Variants in PKIA observed in about 807,000 individuals in gnomAD.
PKIA encodes cAMP-dependent protein kinase inhibitor alpha, also known as PKI-alpha.
Under a neutral mutation model 7.6 loss-of-function variants are expected in PKIA, and 4 were observed. The ratio of observed to expected loss-of-function variants is 0.52; its 90% CI spans 0.26 to 1.20. The LOEUF is 1.20. Among genes scored for constraint, PKIA ranks in the 50% most tolerant of loss-of-function variants. The probability of loss-of-function intolerance (pLI) is 0.13; values close to 1 mark genes in which losing one functional copy is unlikely to be tolerated. For synonymous variants in PKIA, 21 were observed against 30.7 expected, an observed-to-expected ratio of 0.68 and a Z score of 1.04; for missense variants, 73 against 86.2, an observed-to-expected ratio of 0.85 and a Z score of 0.61.
At chr8:78,594,516 G>T (rs1456147697) in intron 2 of PKIA, among the ~76,000 whole-genome samples, 1 of 152,140 alleles carries the variant, frequency 6.6e-6, no homozygotes, top group Non-Finnish European at 1.5e-5. Context: ...TTTTGGATAG[G>T]TTGGGACGTG....
chr8:78,595,546 C>T (rs1295973381), intron 2 of PKIA, among the ~76,000 whole-genome samples: 1 of 152,110 alleles, frequency 6.6e-6, no homozygotes, highest in Non-Finnish European at 1.5e-5. Context: ...AGGTAATAAG[C>T]ATAGTACCCT....
chr8:78,570,524 G>A (rs1378345720), intron 1 of PKIA, among the ~76,000 whole-genome samples: 1 of 152,124 alleles, frequency 6.6e-6, no homozygotes, highest in Non-Finnish European at 1.5e-5. Context: ...TCAAGCCCCA[G>A]TATTTCCAAA....
At chr8:78,526,112 C>A in intron 1 of PKIA, among the ~76,000 whole-genome samples, 1 of 152,034 alleles carries the variant, frequency 6.6e-6, no homozygotes, top group Non-Finnish European at 1.5e-5. Context: ...ATTACTACAT[C>A]TTTTCCCAAA....
At chr8:78,565,548 A>C (rs1203080820) in intron 1 of PKIA, among the ~76,000 whole-genome samples, 1 of 151,986 alleles carries the variant, frequency 6.6e-6, no homozygotes, top group Non-Finnish European at 1.5e-5. Context: ...CCATATGACA[A>C]ATAATTATTT....
intron 2 of PKIA, among the ~76,000 whole-genome samples, chr8:78,585,189 A>G (rs1056889641): frequency 2.0e-5 from 3 of 152,070 alleles, no homozygotes; most frequent in Non-Finnish European, 4.4e-5. Flanking sequence ...GGATAATCTC[A>G]TTTTGAAATG....
At chr8:78,532,032 C>G (rs1806398927) in intron 1 of PKIA, among the ~76,000 whole-genome samples, 1 of 151,956 alleles carries the variant, frequency 6.6e-6, no homozygotes, top group South Asian at 2.1e-4. Context: ...ATTCAAGTAA[C>G]TTTTTAACTT....
At chr8:78,544,928 G>T (rs989261246) in intron 1 of PKIA, among the ~76,000 whole-genome samples, 19 of 152,000 alleles carry the variant, frequency 1.3e-4, no homozygotes. Context: ...TAAATAGCCA[G>T]TAATAGAGGC....
At chr8:78,543,220 C>G (rs1037948835) in intron 1 of PKIA, among the ~76,000 whole-genome samples, 3 of 152,172 alleles carry the variant, frequency 2.0e-5, no homozygotes, top group South Asian at 2.1e-4. Context: ...GTGCTTGGAT[C>G]AAATTGTTCA....
intron 1 of PKIA, among the ~76,000 whole-genome samples, chr8:78,520,937 A>C (rs1437659749): frequency 1.3e-5 from 2 of 152,076 alleles, no homozygotes; most frequent in Non-Finnish European, 2.9e-5. Context: ...CCTTACTTTA[A>C]GACCTGAAAT....
rs1302071922 is a variant in PKIA, at chr8:78,603,959, T to C, written c.*2138T>C. 3 of 152,020 alleles carry C rather than the reference T, an allele frequency of 2.0e-5. No homozygotes were observed. Among genetic ancestry groups the C allele is most frequent in the African/African-American group, 7.2e-5 (3 of 41,420 alleles). The allele number at this position is 152,020 out of a possible 1,614,324, so 9.4% of individuals were successfully genotyped here. ...AAGTCATATGGAGCTTTGGATTTAG[T>C]TTGACTTCTTACTACTGCTTTGTCT... On this transcript the variant is annotated 3_prime_UTR_variant, in exon 4 of 4. Transcript: ENST00000396418.
At chr8:78,577,121 T>C (rs2118577197) in intron 2 of PKIA, among the ~76,000 whole-genome samples, 1 of 152,102 alleles carries the variant, frequency 6.6e-6, no homozygotes, top group East Asian at 1.9e-4. Context: ...TTTTTTTAAT[T>C]ATACTTTAAG....
intron 2 of PKIA, among the ~76,000 whole-genome samples, chr8:78,585,990 A>C (rs1198746045): frequency 6.6e-6 from 1 of 152,134 alleles, no homozygotes; most frequent in African/African-American, 2.4e-5. Context: ...GCAATTCTAA[A>C]ATTGTCAACC....
At chr8:78,524,184 A>T (rs1462538498) in intron 1 of PKIA, among the ~76,000 whole-genome samples, 2 of 128,972 alleles carry the variant, frequency 1.6e-5, no homozygotes, top group Non-Finnish European at 3.1e-5. Context: ...ATTTATATTT[A>T]TATATAAACA....
intron 2 of PKIA, among the ~76,000 whole-genome samples, chr8:78,584,024 A>G (rs914473678): frequency 6.6e-6 from 1 of 152,146 alleles, no homozygotes; most frequent in African/African-American, 2.4e-5. Flanking sequence ...AAGGATTTCT[A>G]TAAGACTTTT....
intron 1 of PKIA, among the ~76,000 whole-genome samples, chr8:78,547,169 C>T (rs909832702): frequency 6.6e-6 from 1 of 152,026 alleles, no homozygotes; most frequent in Non-Finnish European, 1.5e-5. Context: ...AGTGCAATGG[C>T]AACATCTCGG....
intron 2 of PKIA, among the ~76,000 whole-genome samples, chr8:78,596,311 C>T (rs1808225414): frequency 6.6e-6 from 1 of 152,090 alleles, no homozygotes; most frequent in Non-Finnish European, 1.5e-5. Context: ...GTGATCTCAC[C>T]TCACTGTGAT....
intron 1 of PKIA, among the ~76,000 whole-genome samples, chr8:78,520,025 TA>T (rs960307642): frequency 1.3e-5 from 2 of 151,956 alleles, no homozygotes; most frequent in African/African-American, 2.4e-5. Flanking sequence ...TCTGCTCTTC[TA>T]AAAAAAACTC....
intron 1 of PKIA, among the ~76,000 whole-genome samples, chr8:78,572,138 G>T (rs1421297886): frequency 1.3e-5 from 2 of 151,892 alleles, no homozygotes; most frequent in African/African-American, 4.8e-5. Context: ...TGCATAATTT[G>T]CTTCACTTTA....
intron 1 of PKIA, among the ~76,000 whole-genome samples, chr8:78,549,021 G>A (rs1806910676): frequency 1.3e-5 from 2 of 151,950 alleles, no homozygotes; most frequent in Non-Finnish European, 2.9e-5. Context: ...CATTTCTACG[G>A]TGTCTTAAAT....
Sources: gnomAD v4.1 joint callset for allele counts (sites outside exome capture counted in the v4.1 genomes callset) on GRCh38, gnomAD v4.1.1 for gene constraint, MANE v1.5 for transcripts, NCBI Gene and HGNC (gene_info 2026-07-23, HGNC 2026-07-21) for gene names.